Variants in PRKG1 observed in about 807,000 individuals in gnomAD.
PRKG1 encodes protein kinase cGMP-dependent 1.
In PRKG1, 35 loss-of-function variants were observed where a neutral mutation model predicts 88.1. That is an observed-to-expected ratio of 0.40 (90% CI 0.30 to 0.53). PRKG1 has a LOEUF of 0.53. Among genes scored for constraint, PRKG1 ranks in the 20% least tolerant of loss-of-function variants. The probability of loss-of-function intolerance (pLI) is 0.59; values close to 1 mark genes in which losing one functional copy is unlikely to be tolerated. For missense variants in PRKG1, 540 were observed against 839.8 expected (o/e 0.64, Z 4.41); for synonymous variants, 303 against 292.5 (o/e 1.04, Z -0.37).
chr10:51,211,064 C>T (rs1249653012), intron 2 of PRKG1, among the ~76,000 whole-genome samples: 2 of 152,170 alleles, frequency 1.3e-5, no homozygotes, highest in African/African-American at 2.4e-5. Context: ...CAAAAATCCT[C>T]AATAAAATAC....
At chr10:51,608,667 G>T (rs914760694) in intron 3 of PRKG1, among the ~76,000 whole-genome samples, 1 of 152,104 alleles carries the variant, frequency 6.6e-6, no homozygotes, top group East Asian at 1.9e-4. Context: ...TCTGTTATTA[G>T]GAAGTGAATC....
intron 12 of PRKG1, among the ~76,000 whole-genome samples, chr10:52,276,984 C>T (rs1841887626): frequency 1.3e-5 from 2 of 151,994 alleles, no homozygotes; most frequent in African/African-American, 4.8e-5. Context: ...TTTTCAAAAT[C>T]GGTTACAAAT....
At chr10:51,556,825 C>T (rs190262381) in intron 3 of PRKG1, among the ~76,000 whole-genome samples, 5 of 151,996 alleles carry the variant, frequency 3.3e-5, no homozygotes, top group South Asian at 2.1e-4. Context: ...CTCAGTGTCA[C>T]GCAATATACC....
intron 2 of PRKG1, among the ~76,000 whole-genome samples, chr10:51,209,770 C>T (rs536717602): frequency 6.6e-6 from 1 of 152,200 alleles, no homozygotes; most frequent in East Asian, 1.9e-4. Flanking sequence ...ATTGTTCTTT[C>T]TCTGTATTTT....
chr10:51,327,970 T>A (rs1234741027), intron 2 of PRKG1, among the ~76,000 whole-genome samples: 3 of 152,164 alleles, frequency 2.0e-5, no homozygotes, highest in Admixed American at 2.0e-4. Flanking sequence ...GTAGTTACCA[T>A]TTTTGTGGTG....
intron 9 of PRKG1, among the ~76,000 whole-genome samples, chr10:52,182,909 T>C (rs1839080344): frequency 6.6e-6 from 1 of 152,200 alleles, no homozygotes; most frequent in African/African-American, 2.4e-5. Flanking sequence ...AGTATGGCAC[T>C]AGCACCTGCT....
chr10:51,706,501 C>T (rs930046720), intron 3 of PRKG1, among the ~76,000 whole-genome samples: 22 of 150,798 alleles, frequency 1.5e-4, no homozygotes, highest in African/African-American at 5.1e-4. Context: ...GAAGGGATTG[C>T]GAAGTCCAGC....
chr10:51,961,012 A>T lies in PRKG1; in HGVS notation c.762+53442A>T, dbSNP rs114393654. On this transcript the variant is annotated intron_variant, in intron 5 of 17. Transcript: ENST00000373980. The stretch of plus-strand genomic sequence containing the variant: ...TCTGCCAGTCTTCATGTTATCACAC[A>T]GGCTATTAAGTGCCAAAAAAGGCAT... Among the ~76,000 whole-genome samples, 617 of 152,320 alleles carry T rather than the reference A, an allele frequency of 4.1e-3. 6 individuals carry two copies. The highest frequency in any genetic ancestry group is 0.014 in the African/African-American group (591 of 41,586).
chr10:51,250,295 T>C (rs533261766), intron 2 of PRKG1, among the ~76,000 whole-genome samples: 2 of 152,066 alleles, frequency 1.3e-5, no homozygotes, highest in African/African-American at 2.4e-5. Flanking sequence ...GAGAAACTAA[T>C]GTTTAGCAAC....
Position 51,349,432 on chromosome 10 carries a change from GTTTAC to G in PRKG1, c.479-118287_479-118283del, listed in dbSNP as rs1289568814. On this transcript the variant is annotated intron_variant, in intron 2 of 17. Coordinates refer to ENST00000373980, the MANE Select transcript of PRKG1 (RefSeq NM_006258.4). ...TTTTGTTCAGAGAAGATAAAAAATT[GTTTAC>G]TTTGAGTTCATATTGTTTGTGTGTG... Among the ~76,000 whole-genome samples the G allele has an allele frequency of 1.1e-4, 17 of 149,130 alleles. No individual in the cohort carries two copies. In the East Asian group the frequency reaches 3.0e-3, roughly 26 times the overall value.
At chr10:51,087,842 G>A (rs1844293829) in intron 1 of PRKG1, among the ~76,000 whole-genome samples, 2 of 152,188 alleles carry the variant, frequency 1.3e-5, no homozygotes, top group South Asian at 4.1e-4. Context: ...TTGGTTCACT[G>A]CAACCTCCGC....
chr10:52,039,333 G>T (rs538135161), intron 5 of PRKG1, among the ~76,000 whole-genome samples: 2 of 152,052 alleles, frequency 1.3e-5, no homozygotes, highest in African/African-American at 4.8e-5. Flanking sequence ...CTCAGTGGGG[G>T]TGCTTTTTGA....
chr10:51,334,152 T>TCTC (rs1841809659), intron 2 of PRKG1, among the ~76,000 whole-genome samples: 29 of 137,232 alleles, frequency 2.1e-4, no homozygotes, highest in East Asian at 1.5e-3. Flanking sequence ...CTCTCTCTCT[T>TCTC]TCTCTCTCTC....
intron 3 of PRKG1, among the ~76,000 whole-genome samples, chr10:51,659,421 T>A (rs527723611): frequency 6.6e-6 from 1 of 152,218 alleles, no homozygotes; most frequent in African/African-American, 2.4e-5. Context: ...GCCATCTGGC[T>A]GGGAGAACAG....
chr10:51,792,052 G>A (rs971737641), intron 3 of PRKG1, among the ~76,000 whole-genome samples: 31 of 152,138 alleles, frequency 2.0e-4, no homozygotes, highest in African/African-American at 7.2e-4. Flanking sequence ...ATGTTTGGTG[G>A]GTATAATGAT....
At chr10:51,899,748 T>C (rs1284949453) in intron 4 of PRKG1, among the ~76,000 whole-genome samples, 1 of 150,202 alleles carries the variant, frequency 6.7e-6, no homozygotes, top group African/African-American at 2.4e-5. Context: ...GATTCTCATA[T>C]TGATATGGTT....
intron 3 of PRKG1, among the ~76,000 whole-genome samples, chr10:51,754,080 C>G (rs72799405): frequency 0.073 from 11,111 of 152,126 alleles, 456 homozygotes; most frequent in East Asian, 0.091. Flanking sequence ...TTCTTCTGGG[C>G]TGTCATCTCT....
intron 3 of PRKG1, among the ~76,000 whole-genome samples, chr10:51,633,415 C>T (rs961976778): frequency 8.6e-5 from 13 of 151,884 alleles, no homozygotes; most frequent in African/African-American, 2.9e-4. Flanking sequence ...TAAAGCATTG[C>T]AAACTCAAAA....
intron 5 of PRKG1, among the ~76,000 whole-genome samples, chr10:51,933,187 G>T (rs1264450820): frequency 6.6e-6 from 1 of 152,174 alleles, no homozygotes; most frequent in South Asian, 2.1e-4. Context: ...TTTACTAAAG[G>T]GGCCTCCTGT....
Sources: gnomAD v4.1 joint callset for allele counts (sites outside exome capture counted in the v4.1 genomes callset) on GRCh38, gnomAD v4.1.1 for gene constraint, MANE v1.5 for transcripts, NCBI Gene and HGNC (gene_info 2026-07-23, HGNC 2026-07-21) for gene names.